Variants in SLIT2 observed in about 807,000 individuals in gnomAD.
SLIT2 encodes the protein slit homolog 2 protein.
SLIT2 carries 41 observed loss-of-function variants against 185.7 expected under a neutral mutation model. The ratio of observed to expected loss-of-function variants is 0.22; its 90% confidence interval spans 0.17 to 0.29. The LOEUF (loss-of-function observed/expected upper bound fraction) is 0.29. Ranked by LOEUF, SLIT2 falls within the 10% of genes least tolerant of loss-of-function variation. The probability of loss-of-function intolerance (pLI) is 1.00; values close to 1 mark genes in which losing one functional copy is unlikely to be tolerated. For synonymous variants in SLIT2, 693 were observed against 680.2 expected (o/e 1.02, Z -0.29); for missense variants, 1,571 against 1,909.0 (o/e 0.82, Z 3.30).
At chr4:20,525,461 T>C (rs1721205979) in intron 15 of SLIT2, among the ~76,000 whole-genome samples, 2 of 152,162 alleles carry the variant, frequency 1.3e-5, no homozygotes, top group South Asian at 4.1e-4. Context: ...TATGGCTTTC[T>C]ACTTAAATCA....
At chr4:20,583,788 G>A (rs1236869627) in intron 29 of SLIT2, among the ~76,000 whole-genome samples, 6 of 151,578 alleles carry the variant, frequency 4.0e-5, no homozygotes, top group African/African-American at 7.3e-5. Flanking sequence ...CAGCCTGGGC[G>A]ACAGAATGAG....
chr4:20,484,321 A>G lies in SLIT2; in HGVS notation c.540-1879A>G, dbSNP rs893464227. Among the ~76,000 whole-genome samples the G allele has an allele frequency of 2.0e-5, 3 of 152,160 alleles. No homozygotes were observed. Among genetic ancestry groups the G allele is most frequent in the African/African-American group, 7.2e-5 (3 of 41,454 alleles). On this transcript the variant is annotated intron_variant, in intron 6 of 36. Transcript: ENST00000504154. This position sits in a 1 kb window ranked among gnomAD's most constrained non-coding sequence, Gnocchi z 4.3. ...AGAAGTTTAACCTTTGCATTCAAAC[A>G]TCAGGATATATTTTAATGGCATTTG...
chr4:20,362,479 A>G (rs1722815521), intron 4 of SLIT2, among the ~76,000 whole-genome samples: 1 of 152,080 alleles, frequency 6.6e-6, no homozygotes, highest in Non-Finnish European at 1.5e-5. Context: ...AGCTTTATGA[A>G]TTGTTACAAT....
At chr4:20,563,285 C>A (rs1239475017) in intron 26 of SLIT2, among the ~76,000 whole-genome samples, 1 of 151,766 alleles carries the variant, frequency 6.6e-6, no homozygotes, top group African/African-American at 2.4e-5. Flanking sequence ...TAGTAAAGAT[C>A]TTTATCCCTG....
rs3830489 is a variant in SLIT2, at chr4:20,553,735, T to TTGTGTGTGTGTG, written c.2562-60_2562-49dup. 5 of 1,119,558 alleles carry TTGTGTGTGTGTG rather than the reference T, an allele frequency of 4.5e-6. No homozygotes were observed. In the African/African-American group the frequency reaches 4.9e-5, roughly 11 times the overall value. 69.4% of individuals were successfully genotyped at this position (1,119,558 alleles called of 1,614,324 possible). On this transcript the variant is annotated intron_variant, in intron 25 of 36. Transcript: ENST00000504154. ...TTAGGAAATAACAATACTTCCATAC[T>TTGTGTGTGTGTG]TGTGTGTGTGTGTGTGTGTGTATGT... is the stretch of plus-strand genomic sequence containing the variant.
At position 20,384,766 on chromosome 4, in the gene SLIT2, G is replaced by A. The variant is rs78615512; in HGVS notation, c.396-82986G>A. Among the ~76,000 whole-genome samples, 24 of 152,210 alleles carry A rather than the reference G, an allele frequency of 1.6e-4. No homozygotes were observed. The East Asian group carries it at 4.6e-3, about 29-fold the overall frequency. On this transcript the variant is annotated intron_variant, in intron 4 of 36. Transcript: ENST00000504154. The stretch of plus-strand genomic sequence containing the variant: ...ATCTTTTGCTATTTAATGAAATCAG[G>A]CCAAGCAGCAGCACTTGTCAGTAAT...
intron 29 of SLIT2, among the ~76,000 whole-genome samples, chr4:20,578,720 T>C (rs1309245995): frequency 2.0e-5 from 3 of 152,220 alleles, no homozygotes; most frequent in Non-Finnish European, 4.4e-5. Flanking sequence ...CATGTACTGC[T>C]ATCTAAAATT....
At chr4:20,293,983 C>T (rs1408533074) in intron 4 of SLIT2, among the ~76,000 whole-genome samples, 2 of 151,990 alleles carry the variant, frequency 1.3e-5, no homozygotes, top group Admixed American at 1.3e-4. Context: ...TTTAAAGACA[C>T]CTACCTGAAA....
chr4:20,610,630 G>A (rs1345841033), intron 34 of SLIT2, among the ~76,000 whole-genome samples: 3 of 152,168 alleles, frequency 2.0e-5, no homozygotes, highest in African/African-American at 7.2e-5. Flanking sequence ...TTACCATGCT[G>A]GAGCTTCTGC....
intron 16 of SLIT2, among the ~76,000 whole-genome samples, chr4:20,531,477 A>G (rs1043227680): frequency 6.6e-6 from 1 of 152,218 alleles, no homozygotes; most frequent in Non-Finnish European, 1.5e-5. Flanking sequence ...AACAGCCACC[A>G]GGAGTGACTG....
intron 18 of SLIT2, among the ~76,000 whole-genome samples, chr4:20,535,764 G>T (rs1722215453): frequency 6.6e-6 from 1 of 152,104 alleles, no homozygotes; most frequent in Non-Finnish European, 1.5e-5. Flanking sequence ...GAGCTGCCTG[G>T]TATCATTTTC....
chr4:20,463,541 GTGTGTA>G (rs1466382111), intron 4 of SLIT2, among the ~76,000 whole-genome samples: 1 of 143,612 alleles, frequency 7.0e-6, no homozygotes, highest in African/African-American at 2.6e-5. Flanking sequence ...GTGTGTGTGT[GTGTGTA>G]TATGTATATC....
chr4:20,386,103 G>C (rs1297987640), intron 4 of SLIT2, among the ~76,000 whole-genome samples: 6 of 152,112 alleles, frequency 3.9e-5, no homozygotes, highest in Non-Finnish European at 2.9e-5. Context: ...ATATGTATAA[G>C]TGTATAAAAG....
chr4:20,319,893 A>G (rs984798391), intron 4 of SLIT2, among the ~76,000 whole-genome samples: 4 of 152,050 alleles, frequency 2.6e-5, no homozygotes, highest in Non-Finnish European at 5.9e-5. Flanking sequence ...TTTGGAATGC[A>G]TTCTTTCTAA....
At chr4:20,571,697 ATGC>A (rs2148920507) in intron 29 of SLIT2, among the ~76,000 whole-genome samples, 1 of 152,350 alleles carries the variant, frequency 6.6e-6, no homozygotes, top group African/African-American at 2.4e-5. Flanking sequence ...AAGCCCTGCT[ATGC>A]TCAGGGAATA....
intron 4 of SLIT2, among the ~76,000 whole-genome samples, chr4:20,314,383 C>T (rs966977246): frequency 6.6e-6 from 1 of 152,164 alleles, no homozygotes; most frequent in Admixed American, 6.5e-5. Context: ...TATACACATA[C>T]ACACACTTAC....
chr4:20,593,090 T>C (rs1727641509), intron 30 of SLIT2, among the ~76,000 whole-genome samples: 1 of 152,162 alleles, frequency 6.6e-6, no homozygotes, highest in African/African-American at 2.4e-5. Context: ...CAAATCCTAA[T>C]AGCTTTGAAA....
chr4:20,415,410 CAA>C (rs371123614), intron 4 of SLIT2, among the ~76,000 whole-genome samples: 126 of 65,462 alleles, frequency 1.9e-3, no homozygotes, highest in African/African-American at 7.4e-3. Flanking sequence ...GACTCCGTCT[CAA>C]AAAAAAAAAA....
intron 4 of SLIT2, among the ~76,000 whole-genome samples, chr4:20,465,960 G>A (rs1464624514): frequency 1.1e-5 from 1 of 90,580 alleles, no homozygotes; most frequent in Non-Finnish European, 2.6e-5. Flanking sequence ...CACACTCTTT[G>A]AGGCTTTTTT....
Sources: allele counts gnomAD v4.1 joint callset (sites outside exome capture counted in the v4.1 genomes callset), GRCh38; gene constraint gnomAD v4.1.1; non-coding constraint Gnocchi (gnomAD v3.1); transcripts MANE v1.5; gene names NCBI Gene and HGNC (gene_info 2026-07-23, HGNC 2026-07-21).